The following GYS1 variants were observed in gnomAD, a reference collection of about 807,000 sequenced individuals.
The protein encoded by GYS1 is glycogen [starch] synthase, muscle.
A neutral mutation model predicts 89.1 loss-of-function variants in GYS1; 60 were observed. The ratio of observed to expected loss-of-function variants is 0.67; its 90% CI spans 0.55 to 0.84. The LOEUF (loss-of-function observed/expected upper bound fraction) is 0.84, where lower values mean the gene tolerates loss of function less well. GYS1 is among the 40% of genes least tolerant of loss of function. GYS1 has a pLI of 0.00. For missense variants in GYS1, 888 were observed against 1,003.1 expected, an observed-to-expected ratio of 0.89 and a Z score of 1.55; for synonymous variants, 366 against 401.7, an observed-to-expected ratio of 0.91 and a Z score of 1.06.
rs143236254 is a variant in GYS1 at position 48,970,345 on chromosome 19, C to A, written c.1809+201G>T. On this transcript the variant is annotated intron_variant, in intron 14 of 15. Coordinates refer to ENST00000323798, the MANE Select transcript of GYS1 (RefSeq NM_002103.5). ...TGTTGCCCAGGCTGGTCTCTTAACT[C>A]CTGAGCTCATGCGATCCTTCCTGTT... The A allele has an allele frequency of 2.6e-3, 1,557 of 590,964 alleles. 4 individuals carry two copies. Among genetic ancestry groups the A allele is most frequent in the Non-Finnish European group, 3.8e-3 (1,251 of 331,182 alleles). 36.6% of individuals were successfully genotyped at this position (590,964 alleles called of 1,614,324 possible).
chr19:48,982,054 G>A (rs2038772565), intron 7 of GYS1, among the ~76,000 whole-genome samples: 1 of 151,984 alleles, frequency 6.6e-6, no homozygotes, highest in Admixed American at 6.6e-5. Context: ...CACCATGCCT[G>A]GCTAATTTTT....
intron 8 of GYS1, among the ~76,000 whole-genome samples, chr19:48,978,530 T>TTTATTTATTATTATTATTATTATTA (rs2038697417): frequency 6.8e-5 from 10 of 146,728 alleles, no homozygotes; most frequent in African/African-American, 2.5e-4. Flanking sequence ...CAGCAGTTTA[T>TTTATTTATTATTATTATTATTATTA]TTATTATTAT....
rs1055838386 is a variant in GYS1, at chr19:48,968,873, C to G, written c.*415G>C. The G allele has an allele frequency of 2.1e-6, 1 of 467,238 alleles. No homozygotes were observed. Among genetic ancestry groups the G allele is most frequent in the African/African-American group, 2.0e-5 (1 of 50,588 alleles). The allele number at this position is 467,238 out of a possible 1,614,324, so 28.9% of individuals were successfully genotyped here. A position where few individuals can be genotyped will look rare whatever the true frequency, so the allele number is the denominator to read the frequency against. On this transcript the variant is annotated 3_prime_UTR_variant, in exon 16 of 16. Transcript: ENST00000323798. Reference sequence around the variant, plus strand: ...CCACGTGGTTTCCAGAACTTGGTGGCCCGCATGCCGGGCCTGAGCGTGGCC... The same window carrying G: ...CCACGTGGTTTCCAGAACTTGGTGGGCCGCATGCCGGGCCTGAGCGTGGCC...
chr19:48,969,979 T>C lies in GYS1; in HGVS notation c.1810-124A>G, dbSNP rs957513115. 5 of 690,580 alleles carry C rather than the reference T, an allele frequency of 7.2e-6. No homozygotes were observed. In the African/African-American group the frequency reaches 8.8e-5, roughly 12 times the overall value. The allele number at this position is 690,580 out of a possible 1,614,324, so 42.8% of individuals were successfully genotyped here. On this transcript the variant is annotated intron_variant, in intron 14 of 15. Coordinates refer to ENST00000323798, the MANE Select transcript of GYS1 (RefSeq NM_002103.5). Reference sequence around the variant, plus strand: ...ACACTGCTGCACCCCATACAAATAATCCATCTATCTGACTCCACCCCTTAT... The same window carrying C: ...ACACTGCTGCACCCCATACAAATAACCCATCTATCTGACTCCACCCCTTAT...
At position 48,971,032 on chromosome 19, in the gene GYS1, A is replaced by G; in HGVS notation, c.1550-9T>C. The stretch of plus-strand genomic sequence containing the variant: ...CATAACCGTGCACTCAGCTGCGGGA[A>G]GGCAGGAGAGAGACCCACTTAGCTT... On this transcript the variant is annotated splice_polypyrimidine_tract_variant and intron_variant, in intron 12 of 15. Transcript: ENST00000323798. The G allele has an allele frequency of 6.2e-7, 1 of 1,600,360 alleles. No homozygotes were observed. The highest frequency in any genetic ancestry group is 8.6e-7 in the Non-Finnish European group (1 of 1,167,406).
At chr19:48,981,380 T>C in intron 8 of GYS1, 150 bp downstream of exon 8, 5 of 669,804 alleles carry the variant, frequency 7.5e-6, no homozygotes, top group South Asian at 6.4e-5. Context: ...ACCACTACAC[T>C]CCAGCCTGGG....
chr19:48,989,343 G>A (rs567693943), intron 2 of GYS1, among the ~76,000 whole-genome samples: 6 of 152,060 alleles, frequency 3.9e-5, no homozygotes, highest in Admixed American at 1.3e-4. Context: ...TTAGCCGGGC[G>A]TGGCAGCATG....
chr19:48,977,931 G>T lies in GYS1; in HGVS notation c.1301C>A (p.Ala434Glu). The change falls in exon 10 of 16, where the codon GCA (alanine) becomes GAA (glutamate). Residue 434 changes from alanine to glutamate, a missense_variant. By Grantham distance (107) the Ala-to-Glu change is moderately radical (BLOSUM62 -1). Coordinates refer to ENST00000323798, the MANE Select transcript of GYS1 (RefSeq NM_002103.5). ...CAGAGGTCCAATCCATACCTGCGTT[G>T]CAAAGATGGCTCTCTTCATCATAGT... Reference protein sequence around the residue: ...DFTMMKRAIFATQRQSFPPVC... With the variant: ...DFTMMKRAIFETQRQSFPPVC... 1 of 1,612,910 alleles carries T rather than the reference G, an allele frequency of 6.2e-7. No individual in the cohort carries two copies. The highest frequency in any genetic ancestry group is 8.5e-7 in the Non-Finnish European group (1 of 1,178,874).
rs1236029043 is a variant in GYS1 at position 48,985,865 on chromosome 19, G to A, written c.663C>T (p.Tyr221=). Residue 221 remains tyrosine (Y), a synonymous_variant, in exon 4 of 16, where the codon TAC becomes TAT. Coordinates refer to ENST00000323798, the MANE Select transcript of GYS1 (RefSeq NM_002103.5). ...RYLCAGAVDF[Y]NNLENFNVDK... ...CCCAGCTCACGTTCTCCAGGTTGTT[G>A]TAGAAGTCCACGGCACCGGCACACA... 2 of 1,613,426 alleles carry A rather than the reference G, an allele frequency of 1.2e-6. No homozygotes were observed.
intron 5 of GYS1, among the ~76,000 whole-genome samples, chr19:48,983,455 C>A (rs112260344): frequency 8.5e-5 from 13 of 152,324 alleles, no homozygotes; most frequent in African/African-American, 2.4e-4. Context: ...TCTTTTGTTT[C>A]CTCTTAGCCC....
chr19:48,971,689 G>A (rs2038567970), intron 12 of GYS1, among the ~76,000 whole-genome samples: 1 of 151,604 alleles, frequency 6.6e-6, no homozygotes, highest in Admixed American at 6.6e-5. Context: ...CGAGTAGCTG[G>A]GACTACAGGC....
intron 14 of GYS1, 112 bp from the exon 15 acceptor site, chr19:48,969,967 CCATA>C (rs2038531866): frequency 6.9e-6 from 5 of 720,082 alleles, no homozygotes; most frequent in South Asian, 4.4e-5. Flanking sequence ...CTGCTGCACC[CCATA>C]CAAATAATCC....
intron 5 of GYS1, among the ~76,000 whole-genome samples, 177 bp downstream of exon 5, chr19:48,985,284 G>C (rs2038824024): frequency 6.6e-6 from 1 of 152,170 alleles, no homozygotes; most frequent in South Asian, 2.1e-4. Flanking sequence ...TGGTTCTCCT[G>C]CCTTGGCCTC....
At chr19:48,970,501 G>A (rs1229839282) in intron 14 of GYS1, 45 bp downstream of exon 14, 38 of 1,547,870 alleles carry the variant, frequency 2.5e-5, no homozygotes, top group Non-Finnish European at 3.3e-5. Flanking sequence ...CCCTAGCCAG[G>A]AGCTGCTGAT....
intron 8 of GYS1, 31 bp from the exon 9 acceptor site, chr19:48,978,188 C>T: frequency 1.3e-6 from 2 of 1,565,922 alleles, no homozygotes; most frequent in African/African-American, 1.4e-5. Context: ...GGGTCACATA[C>T]ACACCAGCTG....
At position 48,993,156 on chromosome 19, in the gene GYS1, C is replaced by T; in HGVS notation, c.-44G>A. The T allele has an allele frequency of 9.1e-7, 1 of 1,097,808 alleles. No homozygotes were observed. The highest frequency in any genetic ancestry group is 1.4e-6 in the Non-Finnish European group (1 of 709,846). 68.0% of individuals were successfully genotyped at this position (1,097,808 alleles called of 1,614,324 possible). A position where few individuals can be genotyped will look rare whatever the true frequency, so the allele number is the denominator to read the frequency against. ...GGCTCCGGGGATCTCCAGGTAGGGA[C>T]CCCGGAGGTGTCTAGGGAATGCACC... On this transcript the variant is annotated 5_prime_UTR_variant, in exon 1 of 16. Transcript: ENST00000323798.
intron 10 of GYS1, among the ~76,000 whole-genome samples, chr19:48,976,294 A>G (rs2122484593): frequency 6.6e-6 from 1 of 152,264 alleles, no homozygotes; most frequent in East Asian, 1.9e-4. Context: ...TCCCCAATGT[A>G]GACCACAAGT....
At chr19:48,983,315 C>A (rs2038794448) in intron 5 of GYS1, among the ~76,000 whole-genome samples, 1 of 152,142 alleles carries the variant, frequency 6.6e-6, no homozygotes, top group African/African-American at 2.4e-5. Context: ...CACACCTACC[C>A]TGACTCCAAG....
chr19:48,992,027 T>C (rs1406574115), intron 1 of GYS1, among the ~76,000 whole-genome samples: 1 of 151,922 alleles, frequency 6.6e-6, no homozygotes, highest in African/African-American at 2.4e-5. Context: ...CAATTTCCTC[T>C]CCCTGACTAG....
Sources: allele counts gnomAD v4.1 joint callset (sites outside exome capture counted in the v4.1 genomes callset), GRCh38; gene constraint gnomAD v4.1.1; transcripts MANE v1.5; gene names NCBI Gene and HGNC (gene_info 2026-07-23, HGNC 2026-07-21).